SGCD: variants seen among roughly 807,000 people sequenced by gnomAD.
SGCD encodes sarcoglycan delta, also known as delta-sarcoglycan.
SGCD carries 18 observed loss-of-function variants against 36.6 expected under a neutral mutation model. The observed-to-expected ratio is 0.49, with a 90% confidence interval of 0.34 to 0.73. The LOEUF (loss-of-function observed/expected upper bound fraction) is 0.73. SGCD is among the 30% of genes least tolerant of loss of function. The pLI, the probability that SGCD is intolerant of heterozygous loss-of-function variation, is 0.01. For missense variants in SGCD, 387 were observed against 346.7 expected, an observed-to-expected ratio of 1.12 and a Z score of -0.92; for synonymous variants, 133 against 130.6, an observed-to-expected ratio of 1.02 and a Z score of -0.12.
At chr5:156,194,608 A>G (rs541083585) in intron 3 of SGCD, among the ~76,000 whole-genome samples, 2 of 152,232 alleles carry the variant, frequency 1.3e-5, no homozygotes, top group Non-Finnish European at 2.9e-5. Context: ...AACAAAACCA[A>G]TAATTAGAAT....
At chr5:155,739,264 A>G in the SGCD span, among the ~76,000 whole-genome samples, 2 of 152,190 alleles carry the variant, frequency 1.3e-5, no homozygotes, top group Admixed American at 1.3e-4. Flanking sequence ...CCAAAGCTGG[A>G]TGTTGTCCAG....
chr5:156,170,908 C>T (rs1763330071), intron 3 of SGCD, among the ~76,000 whole-genome samples: 1 of 152,166 alleles, frequency 6.6e-6, no homozygotes, highest in South Asian at 2.1e-4. Flanking sequence ...GGAATTAGTA[C>T]TTGAAAGAAG....
chr5:156,344,716 G>A (rs778121128), intron 3 of SGCD, 39 bp downstream of exon 3: 1 of 1,493,346 alleles, frequency 6.7e-7, no homozygotes, highest in East Asian at 2.4e-5. Context: ...CTTTCTTCCG[G>A]GAGGGGAAGC....
intron 1 of SGCD, among the ~76,000 whole-genome samples, chr5:155,955,529 C>T (rs1219241717): frequency 6.6e-6 from 1 of 152,072 alleles, no homozygotes; most frequent in East Asian, 1.9e-4. Flanking sequence ...ATTGGAGACA[C>T]TTTTATCTTT....
At chr5:156,002,194 T>C (rs1758677926) in intron 1 of SGCD, among the ~76,000 whole-genome samples, 1 of 152,100 alleles carries the variant, frequency 6.6e-6, no homozygotes, top group African/African-American at 2.4e-5. Context: ...TAATCCAGTA[T>C]GACTGATATC....
At chr5:156,628,565 C>T (rs1406822522) in intron 6 of SGCD, among the ~76,000 whole-genome samples, 5 of 152,130 alleles carry the variant, frequency 3.3e-5, no homozygotes, top group Admixed American at 3.3e-4. Flanking sequence ...TAAAGTAAGA[C>T]ATAGTAAAGA....
the SGCD span, among the ~76,000 whole-genome samples, chr5:155,728,128 C>T: frequency 6.6e-6 from 1 of 152,150 alleles, no homozygotes; most frequent in African/African-American, 2.4e-5. Flanking sequence ...TCGGGAGCCT[C>T]TCGGCGGCTT....
intron 4 of SGCD, among the ~76,000 whole-genome samples, chr5:156,515,426 G>A (rs147274632): frequency 1.8e-3 from 267 of 152,284 alleles, no homozygotes; most frequent in African/African-American, 6.1e-3. Flanking sequence ...AAGACCGCAT[G>A]TGAATCCTGC....
chr5:155,730,973 C>G, the SGCD span, among the ~76,000 whole-genome samples: 1 of 152,210 alleles, frequency 6.6e-6, no homozygotes, highest in Non-Finnish European at 1.5e-5. Context: ...TGCCTCTCCA[C>G]AAACATGCTG....
chr5:156,371,243 G>T (rs571730244), intron 3 of SGCD, among the ~76,000 whole-genome samples: 1 of 152,244 alleles, frequency 6.6e-6, no homozygotes, highest in South Asian at 2.1e-4. Flanking sequence ...AATTGTTTTG[G>T]TTTTTGAGTT....
At chr5:156,004,191 A>G (rs1758714447) in intron 1 of SGCD, among the ~76,000 whole-genome samples, 1 of 152,204 alleles carries the variant, frequency 6.6e-6, no homozygotes, top group Non-Finnish European at 1.5e-5. Context: ...TTCATAGCTA[A>G]CAGCAACCAC....
chr5:156,599,763 G>C (rs1025414992), intron 6 of SGCD, among the ~76,000 whole-genome samples: 1 of 152,252 alleles, frequency 6.6e-6, no homozygotes, highest in Non-Finnish European at 1.5e-5. Flanking sequence ...CCTGGGGAAA[G>C]CAGAGCAACC....
chr5:156,508,051 G>A (rs1001604052), intron 3 of SGCD, among the ~76,000 whole-genome samples: 1 of 152,088 alleles, frequency 6.6e-6, no homozygotes. Flanking sequence ...GAAGATGAGT[G>A]ATAGGTACAT....
intron 4 of SGCD, among the ~76,000 whole-genome samples, chr5:156,571,753 G>A (rs1040767770): frequency 6.6e-6 from 1 of 152,048 alleles, no homozygotes; most frequent in Admixed American, 6.6e-5. Flanking sequence ...GTTTTACTGT[G>A]GTAAAATACA....
intron 4 of SGCD, among the ~76,000 whole-genome samples, chr5:156,510,785 A>G (rs1756892207): frequency 6.6e-6 from 1 of 152,232 alleles, no homozygotes; most frequent in Non-Finnish European, 1.5e-5. Flanking sequence ...TTTTAAGAAC[A>G]TAAGAAGAAC....
At position 156,650,347 on chromosome 5, in the gene SGCD, A is replaced by G. The variant is rs147448607; in HGVS notation, c.575+2811A>G. Among the ~76,000 whole-genome samples the G allele has an allele frequency of 2.0e-3, 303 of 152,234 alleles. 1 individual carries two copies. Among genetic ancestry groups the G allele is most frequent in the African/African-American group, 6.8e-3 (281 of 41,556 alleles). ...GCATGAATTTTTTTTAATAATTTCA[A>G]CTTTCATTTTAGATTCAGGGATACA... On this transcript the variant is annotated intron_variant, in intron 7 of 8. Coordinates refer to ENST00000337851, the MANE Select transcript of SGCD (RefSeq NM_000337.6).
chr5:156,073,129 A>G (rs1233722919), intron 1 of SGCD, among the ~76,000 whole-genome samples: 2 of 152,180 alleles, frequency 1.3e-5, no homozygotes, highest in Non-Finnish European at 1.5e-5. Flanking sequence ...TATGGCCATT[A>G]TGACCCACCT....
rs376916407 is a variant in SGCD, at chr5:156,175,823, A to G, written c.-44+51804A>G. Among the ~76,000 whole-genome samples the G allele has an allele frequency of 7.3e-5, 11 of 151,574 alleles. No homozygotes were observed. In the South Asian group the frequency reaches 2.1e-3, roughly 29 times the overall value. Reference sequence around the variant, plus strand: ...GTCCTAATCAATAATAACAAAAGTAAATGTGATTATATTTTAAGAATACAA... The same window carrying G: ...GTCCTAATCAATAATAACAAAAGTAGATGTGATTATATTTTAAGAATACAA... On this transcript the variant is annotated intron_variant, in intron 3 of 9. Coordinates refer to the SGCD transcript ENST00000517913.
intron 7 of SGCD, among the ~76,000 whole-genome samples, chr5:156,709,740 A>G (rs148223275): frequency 1.2e-3 from 181 of 152,186 alleles, no homozygotes; most frequent in African/African-American, 4.1e-3. Flanking sequence ...CGTGGGTTTG[A>G]AAAGAGCAGA....
Sources: gnomAD v4.1 joint callset for allele counts (sites outside exome capture counted in the v4.1 genomes callset) on GRCh38, gnomAD v4.1.1 for gene constraint, MANE v1.5 for transcripts, NCBI Gene and HGNC (gene_info 2026-07-23, HGNC 2026-07-21) for gene names.